Variants in MEF2A observed in about 807,000 individuals in gnomAD.
MEF2A encodes myocyte enhancer factor 2A, also known as myocyte-specific enhancer factor 2A.
A neutral mutation model predicts 55.8 loss-of-function variants in MEF2A; 28 were observed. The observed-to-expected ratio is 0.50, with a 90% CI of 0.37 to 0.69. The LOEUF (loss-of-function observed/expected upper bound fraction) is 0.69. Among genes scored for constraint, MEF2A ranks in the 30% least tolerant of loss-of-function variants. MEF2A has a pLI of 0.00. For synonymous variants in MEF2A, 239 were observed against 227.1 expected (o/e 1.05, Z -0.47); for missense variants, 528 against 626.2 (o/e 0.84, Z 1.67).
chr15:99,606,206 GA>G (rs1975056459), intron 2 of MEF2A, among the ~76,000 whole-genome samples: 1 of 152,098 alleles, frequency 6.6e-6, no homozygotes, highest in Non-Finnish European at 1.5e-5. Context: ...TGTATGGAAA[GA>G]AATGACTTAT....
chr15:99,587,003 C>T (rs984845359), intron 1 of MEF2A, among the ~76,000 whole-genome samples: 1 of 151,866 alleles, frequency 6.6e-6, no homozygotes, highest in African/African-American at 2.4e-5. Context: ...TTTGTTATTA[C>T]AAGAGCACAC....
intron 4 of MEF2A, 49 bp downstream of exon 4, chr15:99,645,813 TTGTTTAATAGCATTAACTG>T: frequency 7.5e-7 from 1 of 1,341,112 alleles, no homozygotes; most frequent in Non-Finnish European, 1.0e-6. Context: ...CTGAAATATT[TTGTTTAATAGCATTAACTG>T]TCAGAATGAC....
chr15:99,667,514 C>T (rs1194305698), intron 4 of MEF2A, among the ~76,000 whole-genome samples: 3 of 152,056 alleles, frequency 2.0e-5, no homozygotes, highest in Admixed American at 6.6e-5. Context: ...TCAGCCACCG[C>T]GCCCGGCCGT....
At chr15:99,608,371 T>G (rs540098755) in intron 2 of MEF2A, among the ~76,000 whole-genome samples, 7 of 152,220 alleles carry the variant, frequency 4.6e-5, no homozygotes, top group Admixed American at 6.5e-5. Context: ...CCCTTAAGCT[T>G]CTTTTATTTT....
intron 10 of MEF2A, 141 bp from the exon 11 acceptor site, chr15:99,710,493 T>G: frequency 1.0e-6 from 1 of 982,820 alleles, no homozygotes; most frequent in Non-Finnish European, 1.5e-6. Context: ...TCCGCCCATC[T>G]TGGCCTCCCA....
intron 4 of MEF2A, among the ~76,000 whole-genome samples, chr15:99,667,440 G>T (rs938047736): frequency 2.6e-5 from 4 of 152,092 alleles, no homozygotes; most frequent in Admixed American, 6.5e-5. Context: ...TAGCAGGATG[G>T]TCTCAATCTC....
chr15:99,697,574 AATG>A (rs1434776337), intron 8 of MEF2A, among the ~76,000 whole-genome samples: 4 of 149,212 alleles, frequency 2.7e-5, no homozygotes, highest in Non-Finnish European at 4.4e-5. Flanking sequence ...TGATGAAAGA[AATG>A]AAAGAAGACC....
At chr15:99,650,172 T>C (rs2046616227) in intron 4 of MEF2A, among the ~76,000 whole-genome samples, 1 of 152,170 alleles carries the variant, frequency 6.6e-6, no homozygotes, top group African/African-American at 2.4e-5. Flanking sequence ...AGGTAAGCTT[T>C]TTCAGAAGCA....
intron 1 of MEF2A, among the ~76,000 whole-genome samples, chr15:99,570,820 A>C (rs565683927): frequency 5.1e-4 from 78 of 152,232 alleles, no homozygotes; most frequent in African/African-American, 1.7e-3. Flanking sequence ...AAAAAAAAAA[A>C]AACAACTTTT....
At chr15:99,631,648 C>CTT (rs759389499) in intron 2 of MEF2A, among the ~76,000 whole-genome samples, 2 of 145,614 alleles carry the variant, frequency 1.4e-5, no homozygotes, top group Admixed American at 6.8e-5. Context: ...GAATCATATC[C>CTT]TTTTTTTTTT....
In MEF2A at chr15:99,691,472, C is replaced by T. The variant is rs376336761; in HGVS notation, c.858+1044C>T. ...CAGCACTTTGGGATGCCAGGGCGGG[C>T]GGATCACCTGAGGTCAGGAGTTCAA... is the stretch of plus-strand genomic sequence containing the variant. On this transcript the variant is annotated intron_variant, in intron 8 of 11. Coordinates refer to ENST00000557942, the MANE Select transcript of MEF2A (RefSeq NM_001319206.4). Among the ~76,000 whole-genome samples the T allele has an allele frequency of 1.1e-3, 165 of 152,096 alleles. 1 individual carries two copies. Among genetic ancestry groups the T allele is most frequent in the African/African-American group, 3.8e-3 (157 of 41,482 alleles).
At chr15:99,644,859 T>A (rs1196620047) in intron 3 of MEF2A, among the ~76,000 whole-genome samples, 1 of 152,112 alleles carries the variant, frequency 6.6e-6, no homozygotes, top group Non-Finnish European at 1.5e-5. Flanking sequence ...ATAATTTTTG[T>A]ATGGCATGAG....
intron 4 of MEF2A, among the ~76,000 whole-genome samples, chr15:99,656,338 G>A (rs1423523407): frequency 1.3e-5 from 2 of 152,060 alleles, no homozygotes; most frequent in Non-Finnish European, 2.9e-5. Context: ...AGAGGCCTCT[G>A]CTGTATTGCA....
intron 2 of MEF2A, among the ~76,000 whole-genome samples, chr15:99,617,939 C>A (rs2040480251): frequency 6.6e-6 from 1 of 152,044 alleles, no homozygotes; most frequent in African/African-American, 2.4e-5. Context: ...TGTCTAGATA[C>A]CTAACAGTGT....
chr15:99,669,570 C>G (rs2050449394), intron 4 of MEF2A, among the ~76,000 whole-genome samples: 1 of 152,160 alleles, frequency 6.6e-6, no homozygotes, highest in Non-Finnish European at 1.5e-5. Context: ...AGCCTAGTGC[C>G]ATGGAGAAAA....
At chr15:99,630,070 T>G (rs1267781708) in intron 2 of MEF2A, among the ~76,000 whole-genome samples, 1 of 146,264 alleles carries the variant, frequency 6.8e-6, no homozygotes, top group Non-Finnish European at 1.5e-5. Context: ...TTCCTAAGTG[T>G]GGTTTTCTTT....
rs562049143 is a variant in MEF2A, at chr15:99,712,150, G to C, written c.1137-240G>C. Among the ~76,000 whole-genome samples the C allele has an allele frequency of 1.3e-5, 2 of 152,304 alleles. No individual in the cohort carries two copies. The highest frequency in any genetic ancestry group is 4.1e-4 in the South Asian group (2 of 4,828). On this transcript the variant is annotated intron_variant, in intron 11 of 11. Transcript: ENST00000557942. The surrounding 1 kb of genome is among the most constrained non-coding windows in gnomAD (Gnocchi z 4.1). The stretch of plus-strand genomic sequence containing the variant: ...ATACTTTAGCTGCAAAAGTACCAAC[G>C]TTGTGGGTAACAGAACCAAGTAACG...
At chr15:99,567,165 G>T (rs939089397) in intron 1 of MEF2A, among the ~76,000 whole-genome samples, 10 of 152,248 alleles carry the variant, frequency 6.6e-5, no homozygotes. Flanking sequence ...TGTGTAGCTT[G>T]AATATAACAT....
At chr15:99,691,158 G>C (rs778037867) in intron 8 of MEF2A, among the ~76,000 whole-genome samples, 13 of 140,822 alleles carry the variant, frequency 9.2e-5, no homozygotes, top group Non-Finnish European at 1.8e-4. Flanking sequence ...CAAGAAAGAA[G>C]GAAGGAAGGA....
Sources: allele counts gnomAD v4.1 joint callset (sites outside exome capture counted in the v4.1 genomes callset), GRCh38; gene constraint gnomAD v4.1.1; non-coding constraint Gnocchi (gnomAD v3.1); transcripts MANE v1.5; gene names NCBI Gene and HGNC (gene_info 2026-07-23, HGNC 2026-07-21).